Variants in ASIC2 observed in about 807,000 individuals in gnomAD.
ASIC2 encodes the protein acid-sensing ion channel 2.
In ASIC2, 25 loss-of-function variants were observed where a neutral mutation model predicts 57.3. The observed-to-expected ratio is 0.44, with a 90% CI of 0.32 to 0.61. The LOEUF (loss-of-function observed/expected upper bound fraction) is 0.61, where lower values mean the gene tolerates loss of function less well. Ranked by LOEUF, ASIC2 falls within the 20% of genes least tolerant of loss-of-function variation. The pLI, the probability that ASIC2 is intolerant of heterozygous loss-of-function variation, is 0.06. For synonymous variants in ASIC2, 319 were observed against 307.5 expected (o/e 1.04, Z -0.39); for missense variants, 641 against 738.1 (o/e 0.87, Z 1.52).
chr17:33,748,214 C>T (rs1396009029), intron 1 of ASIC2, among the ~76,000 whole-genome samples: 1 of 152,238 alleles, frequency 6.6e-6, no homozygotes, highest in Non-Finnish European at 1.5e-5. Flanking sequence ...GCACCCGCCT[C>T]CTGGTGCCTG....
chr17:33,014,357 T>A (rs1451961968), intron 9 of ASIC2, among the ~76,000 whole-genome samples: 1 of 151,972 alleles, frequency 6.6e-6, no homozygotes, highest in Non-Finnish European at 1.5e-5. Context: ...TATATCTGAG[T>A]GGTCTGTAGC....
intron 3 of ASIC2, among the ~76,000 whole-genome samples, chr17:33,055,442 C>T (rs552608184): frequency 6.6e-6 from 1 of 152,336 alleles, no homozygotes; most frequent in Non-Finnish European, 1.5e-5. Context: ...CCTGCTCCCC[C>T]GTCTGCTTCA....
intron 1 of ASIC2, among the ~76,000 whole-genome samples, chr17:33,806,261 G>A (rs1912265316): frequency 6.6e-6 from 1 of 152,216 alleles, no homozygotes; most frequent in Non-Finnish European, 1.5e-5. Context: ...GACACAGACA[G>A]TACCCAAACC....
chr17:33,364,891 G>C (rs991753217), intron 1 of ASIC2, among the ~76,000 whole-genome samples: 1 of 152,096 alleles, frequency 6.6e-6, no homozygotes, highest in African/African-American at 2.4e-5. Context: ...CTCCTAATAA[G>C]TTTCCCTGCT....
At chr17:33,605,064 T>C (rs951508581) in intron 1 of ASIC2, among the ~76,000 whole-genome samples, 1 of 152,086 alleles carries the variant, frequency 6.6e-6, no homozygotes, top group Admixed American at 6.5e-5. Context: ...CCAGGTAGAC[T>C]TTGAATCTCC....
chr17:33,622,295 G>C (rs1567671874), intron 1 of ASIC2, among the ~76,000 whole-genome samples: 2 of 152,144 alleles, frequency 1.3e-5, no homozygotes, highest in Non-Finnish European at 2.9e-5. Context: ...GGAGAAGCCA[G>C]GGCAAAGGAA....
chr17:34,019,216 T>A (rs575395877), intron 1 of ASIC2, among the ~76,000 whole-genome samples: 5 of 152,038 alleles, frequency 3.3e-5, no homozygotes, highest in African/African-American at 1.2e-4. Context: ...CAAAGTAGAT[T>A]CTTGAGACAG....
chr17:33,887,173 T>C (rs918478510), intron 1 of ASIC2, among the ~76,000 whole-genome samples: 9 of 152,156 alleles, frequency 5.9e-5, no homozygotes, highest in African/African-American at 1.9e-4. Context: ...TCCAACACTT[T>C]GCCTAATTCC....
At chr17:33,741,123 A>T (rs992807622) in intron 1 of ASIC2, among the ~76,000 whole-genome samples, 12 of 152,314 alleles carry the variant, frequency 7.9e-5, no homozygotes, top group Non-Finnish European at 1.5e-4. Flanking sequence ...CAAGGGCATC[A>T]GGGAGAGGCA....
At position 33,308,784 on chromosome 17, in the gene ASIC2, A is replaced by G. The variant is rs143119608; in HGVS notation, c.556-196717T>C. ...GCAGTACTGCCTACATACCAACAACATTATGAATCACTTTCATAATTAAGG... is the reference window on the plus strand; with the variant it reads ...GCAGTACTGCCTACATACCAACAACGTTATGAATCACTTTCATAATTAAGG... On this transcript the variant is annotated intron_variant, in intron 1 of 9. Transcript: ENST00000359872. Among the ~76,000 whole-genome samples, 40 of 152,318 alleles carry G rather than the reference A, an allele frequency of 2.6e-4. No homozygotes were observed. In the Middle Eastern group the frequency reaches 0.01, roughly 39 times the overall value.
intron 1 of ASIC2, among the ~76,000 whole-genome samples, chr17:34,046,800 A>G (rs982242661): frequency 2.0e-5 from 3 of 152,204 alleles, no homozygotes; most frequent in Non-Finnish European, 4.4e-5. Flanking sequence ...AAAGAAGAGT[A>G]ATACAAGCTC....
At chr17:34,140,714 T>TA (rs1448487919) in intron 1 of ASIC2, among the ~76,000 whole-genome samples, 1 of 152,164 alleles carries the variant, frequency 6.6e-6, no homozygotes, top group East Asian at 1.9e-4. Flanking sequence ...GACTGTAACC[T>TA]ATTGAATAAA....
intron 1 of ASIC2, among the ~76,000 whole-genome samples, chr17:33,601,676 T>C (rs1657056438): frequency 6.6e-6 from 1 of 152,190 alleles, no homozygotes; most frequent in Admixed American, 6.5e-5. Context: ...AGTGGAGTCA[T>C]GGGCATGGGG....
chr17:34,062,439 A>G (rs2142061628), intron 1 of ASIC2, among the ~76,000 whole-genome samples: 1 of 152,090 alleles, frequency 6.6e-6, no homozygotes, highest in South Asian at 2.1e-4. Context: ...ATCACAAACA[A>G]TCTAAGGTCT....
rs1324105181 is a variant in ASIC2 at position 33,791,352 on chromosome 17, A to G, written c.555+364626T>C. ...AAATTGAAGCCCTGCAGAGATATGG[A>G]GAAGCATCAGGGTGTAAATAGGCTA... On this transcript the variant is annotated intron_variant, in intron 1 of 9. Transcript: ENST00000359872. 2.0e-5 allele frequency among the ~76,000 whole-genome samples: 3 copies of G among 152,174 alleles called. 1 individual carries two copies. Among genetic ancestry groups the G allele is most frequent in the Non-Finnish European group, 4.4e-5 (3 of 68,024 alleles).
At chr17:33,219,344 A>G (rs1042825673) in intron 1 of ASIC2, among the ~76,000 whole-genome samples, 1 of 152,236 alleles carries the variant, frequency 6.6e-6, no homozygotes, top group African/African-American at 2.4e-5. Context: ...ACTTCAGTTA[A>G]TCTTCACGAT....
intron 1 of ASIC2, among the ~76,000 whole-genome samples, chr17:33,232,032 C>T (rs765443155): frequency 3.9e-5 from 6 of 152,114 alleles, no homozygotes; most frequent in Admixed American, 2.0e-4. Context: ...AAATTTGGAA[C>T]CTTGGGATGA....
intron 1 of ASIC2, among the ~76,000 whole-genome samples, chr17:33,220,375 C>T (rs1907645561): frequency 6.6e-6 from 1 of 152,212 alleles, no homozygotes; most frequent in Admixed American, 6.5e-5. Context: ...GTGAAGGCCA[C>T]TGTCATTTCC....
chr17:33,540,705 T>C (rs976736333), intron 1 of ASIC2, among the ~76,000 whole-genome samples: 3 of 152,154 alleles, frequency 2.0e-5, no homozygotes, highest in African/African-American at 7.2e-5. Flanking sequence ...CCCTACTTGA[T>C]GGTGCATTCA....
Sources: allele counts gnomAD v4.1 joint callset (sites outside exome capture counted in the v4.1 genomes callset), GRCh38; gene constraint gnomAD v4.1.1; transcripts MANE v1.5; gene names NCBI Gene and HGNC (gene_info 2026-07-23, HGNC 2026-07-21).